Variants in SMARCC1 observed in about 807,000 individuals in gnomAD.
SMARCC1 encodes the protein SWI/SNF complex subunit SMARCC1.
Under a neutral mutation model 147.4 loss-of-function variants are expected in SMARCC1, and 43 were observed. The observed-to-expected ratio is 0.29, with a 90% CI of 0.23 to 0.38. The LOEUF (loss-of-function observed/expected upper bound fraction) is 0.38, where lower values mean the gene tolerates loss of function less well. Ranked by LOEUF, SMARCC1 falls within the 10% of genes least tolerant of loss-of-function variation. The probability of loss-of-function intolerance (pLI) is 1.00; values close to 1 mark genes in which losing one functional copy is unlikely to be tolerated. For missense variants in SMARCC1, 1,119 were observed against 1,381.1 expected (o/e 0.81, Z 3.01); for synonymous variants, 495 against 484.4 (o/e 1.02, Z -0.29).
Position 47,730,211 on chromosome 3 carries a change from G to C in SMARCC1, c.577-1117C>G, listed in dbSNP as rs144073079. Among the ~76,000 whole-genome samples, 129 of 152,216 alleles carry C rather than the reference G, an allele frequency of 8.5e-4. 1 individual carries two copies. In the Middle Eastern group the frequency reaches 0.014, roughly 16 times the overall value. On this transcript the variant is annotated intron_variant, in intron 5 of 27. Transcript: ENST00000254480. ...TAAAAAAAAAGTTACATTTAGGCCA[G>C]GTGCAGCTGCTCACACCTGTAATCC... is the stretch of plus-strand genomic sequence containing the variant.
intron 26 of SMARCC1, among the ~76,000 whole-genome samples, chr3:47,602,679 G>A (rs1018365886): frequency 2.6e-5 from 4 of 152,164 alleles, no homozygotes; most frequent in African/African-American, 9.7e-5. Flanking sequence ...TGATTTTCAA[G>A]GCACTTCCAA....
chr3:47,708,731 C>T lies in SMARCC1; in HGVS notation c.918+1952G>A, dbSNP rs749970937. Reference sequence around the variant, plus strand: ...TTGAATAGTCCAATTCCAAAACAAACGACAACCAACTGCAAGTAAAAAGGT... The same window carrying T: ...TTGAATAGTCCAATTCCAAAACAAATGACAACCAACTGCAAGTAAAAAGGT... On this transcript the variant is annotated intron_variant, in intron 9 of 27. Transcript: ENST00000254480. Among the ~76,000 whole-genome samples, 9 of 152,080 alleles carry T rather than the reference C, an allele frequency of 5.9e-5. No homozygotes were observed. In the South Asian group the frequency reaches 8.3e-4, roughly 14 times the overall value.
chr3:47,588,452 T>C (rs2032115114), intron 27 of SMARCC1, 146 bp from the exon 28 acceptor site: 1 of 700,072 alleles, frequency 1.4e-6, no homozygotes, highest in Non-Finnish European at 2.5e-6. Flanking sequence ...TCCACTGTGG[T>C]CTATGCAAGT....
rs369497466 is a variant in SMARCC1 at position 47,748,129 on chromosome 3, G to A, written c.316-2136C>T. 2.2e-4 allele frequency among the ~76,000 whole-genome samples: 34 copies of A among 152,220 alleles called. No homozygotes were observed. In the East Asian group the frequency reaches 5.0e-3, roughly 22 times the overall value. ...CACACCACTGCACTCCAGCCTGGGC[G>A]ACACAGTGAGACTGTCTCAACAAAA... On this transcript the variant is annotated intron_variant, in intron 2 of 27. Transcript: ENST00000254480.
At chr3:47,706,813 C>T (rs532093929) in intron 9 of SMARCC1, among the ~76,000 whole-genome samples, 5 of 152,262 alleles carry the variant, frequency 3.3e-5, no homozygotes, top group African/African-American at 7.2e-5. Context: ...TGCTACTGTT[C>T]ACATTCTGTT....
intron 2 of SMARCC1, among the ~76,000 whole-genome samples, chr3:47,750,043 C>G (rs2034612072): frequency 6.7e-6 from 1 of 150,206 alleles, no homozygotes; most frequent in South Asian, 2.1e-4. Context: ...GATGGTGCCA[C>G]TGCACTCCAG....
intron 14 of SMARCC1, among the ~76,000 whole-genome samples, chr3:47,680,828 T>C (rs1193563117): frequency 6.6e-6 from 1 of 152,044 alleles, no homozygotes; most frequent in African/African-American, 2.4e-5. Context: ...ATTACAGGCG[T>C]GAGCCACCGC....
intron 2 of SMARCC1, among the ~76,000 whole-genome samples, chr3:47,763,503 A>C (rs2034799805): frequency 6.6e-6 from 1 of 151,894 alleles, no homozygotes; most frequent in African/African-American, 2.4e-5. Context: ...ATTTTTGTAG[A>C]TATATTAAGA....
intron 10 of SMARCC1, chr3:47,701,729 G>A (rs575415055): frequency 4.1e-5 from 9 of 220,260 alleles, no homozygotes; most frequent in Middle Eastern, 1.6e-3. Flanking sequence ...TAGGAGAATC[G>A]CTTGAACCCG....
chr3:47,625,260 T>C (rs1196607744), intron 24 of SMARCC1, among the ~76,000 whole-genome samples: 2 of 151,748 alleles, frequency 1.3e-5, no homozygotes, highest in African/African-American at 4.8e-5. Flanking sequence ...AGGAGTTTGA[T>C]ACCAGCTTGG....
intron 2 of SMARCC1, among the ~76,000 whole-genome samples, chr3:47,746,780 G>A (rs1010634036): frequency 4.0e-5 from 6 of 148,290 alleles, no homozygotes; most frequent in Non-Finnish European, 5.9e-5. Flanking sequence ...GCCCAGGCTG[G>A]AGTGCAATGG....
At chr3:47,760,416 A>G (rs1196290981) in intron 2 of SMARCC1, among the ~76,000 whole-genome samples, 1 of 152,164 alleles carries the variant, frequency 6.6e-6, no homozygotes, top group Non-Finnish European at 1.5e-5. Context: ...TAATCTCAGC[A>G]CTTTGGGAGG....
chr3:47,624,327 AT>A (rs1447457010), intron 24 of SMARCC1, among the ~76,000 whole-genome samples: 1 of 152,088 alleles, frequency 6.6e-6, no homozygotes, highest in Admixed American at 6.6e-5. Flanking sequence ...GGCAGCAGGT[AT>A]CAAAAAAATT....
In SMARCC1 at chr3:47,781,864, G is replaced by T; in HGVS notation, c.-67C>A. 8.9e-7 allele frequency: 1 copy of T among 1,119,810 alleles called. No individual in the cohort carries two copies. The allele number at this position is 1,119,810 out of a possible 1,614,324, so 69.4% of individuals were successfully genotyped here. A position where few individuals can be genotyped will look rare whatever the true frequency, so the allele number is the denominator to read the frequency against. On this transcript the variant is annotated 5_prime_UTR_variant, in exon 1 of 28. Coordinates refer to ENST00000254480, the MANE Select transcript of SMARCC1 (RefSeq NM_003074.4). ...CTCGCGGTGTTTCCCGGTCGTTCCC[G>T]CGCGCACCCCCGCGCGCGTAGCCGC...
chr3:47,638,094 T>TTTG (rs1158041985), intron 22 of SMARCC1, among the ~76,000 whole-genome samples: 1 of 151,870 alleles, frequency 6.6e-6, no homozygotes, highest in African/African-American at 2.4e-5. Flanking sequence ...AACCACAACT[T>TTTG]TTGTTGTTGT....
At position 47,587,103 on chromosome 3, in the gene SMARCC1, T is replaced by C. The variant is rs1031662767; in HGVS notation, c.*1106A>G. On this transcript the variant is annotated 3_prime_UTR_variant, in exon 28 of 28. Transcript: ENST00000254480. ...ATCCTGCTTCACTTTTCCCGTCCCA[T>C]CCTAACCTTAAAAGTACCGGTTGAC... The C allele has an allele frequency of 6.6e-6, 1 of 152,496 alleles. No homozygotes were observed. The highest frequency in any genetic ancestry group is 1.5e-5 in the Non-Finnish European group (1 of 68,022). The allele number at this position is 152,496 out of a possible 1,614,324, so 9.4% of individuals were successfully genotyped here.
chr3:47,663,571 C>A, intron 19 of SMARCC1: 1 of 1,306,514 alleles, frequency 7.7e-7, no homozygotes, highest in Non-Finnish European at 1.1e-6. Flanking sequence ...CACAGCAAGA[C>A]CCTGTCTTAG....
At chr3:47,685,977 G>C in intron 14 of SMARCC1, 72 bp downstream of exon 14, 7 of 1,310,352 alleles carry the variant, frequency 5.3e-6, no homozygotes, top group Non-Finnish European at 7.5e-6. Context: ...GGGCAGAAAG[G>C]CACAACCTGA....
intron 19 of SMARCC1, chr3:47,663,852 G>A (rs1406608451): frequency 1.9e-6 from 3 of 1,555,534 alleles, no homozygotes; most frequent in East Asian, 4.5e-5. Context: ...CTCATGATGT[G>A]CACCTGGATC....
Sources: gnomAD v4.1 joint callset for allele counts (sites outside exome capture counted in the v4.1 genomes callset) on GRCh38, gnomAD v4.1.1 for gene constraint, MANE v1.5 for transcripts, NCBI Gene and HGNC (gene_info 2026-07-23, HGNC 2026-07-21) for gene names.